The following CCDC97 variants were observed in gnomAD, a reference collection of about 807,000 sequenced individuals.
CCDC97 encodes coiled-coil domain-containing protein 97.
CCDC97 carries 27 observed loss-of-function variants against 33.9 expected under a neutral mutation model. The ratio of observed to expected loss-of-function variants is 0.80; its 90% CI spans 0.59 to 1.10. CCDC97 has a LOEUF of 1.10. Among genes scored for constraint, CCDC97 ranks in the 50% least tolerant of loss-of-function variants. CCDC97 has a pLI of 0.00. For synonymous variants in CCDC97, 217 were observed against 194.0 expected (o/e 1.12, Z -0.99); for missense variants, 422 against 476.6 (o/e 0.89, Z 1.07).
intron 2 of CCDC97, among the ~76,000 whole-genome samples, chr19:41,317,670 C>T (rs2123058872): frequency 6.8e-6 from 1 of 146,558 alleles, no homozygotes; most frequent in South Asian, 2.1e-4. Flanking sequence ...GAGATCCCAC[C>T]ACTAAGCTCT....
chr19:41,310,977 T>TA lies in CCDC97; in HGVS notation c.46+623dup, dbSNP rs2037676696. On this transcript the variant is annotated intron_variant, in intron 1 of 4. Coordinates refer to ENST00000269967, the MANE Select transcript of CCDC97 (RefSeq NM_052848.3). ...TCCAACACCACTGGCCAAGAATTGGTAATTGTGGAAGCCAGATGGAGATGA... is the reference window on the plus strand; with the variant it reads ...TCCAACACCACTGGCCAAGAATTGGTAAATTGTGGAAGCCAGATGGAGATGA... 24 of 578,262 alleles carry TA rather than the reference T, an allele frequency of 4.2e-5. No homozygotes were observed. The South Asian group carries it at 1.5e-3, about 37-fold the overall frequency. 35.8% of individuals were successfully genotyped at this position (578,262 alleles called of 1,614,324 possible).
chr19:41,312,653 A>G (rs1305434275), intron 1 of CCDC97, among the ~76,000 whole-genome samples: 1 of 152,204 alleles, frequency 6.6e-6, no homozygotes, highest in Non-Finnish European at 1.5e-5. Context: ...ACTGAAATCC[A>G]GGTGTCTGCA....
rs746348676 is a variant in CCDC97 at position 41,322,657 on chromosome 19, G to A, written c.974G>A (p.Arg325Lys). ...ATCGTGGCACGGGATGAGGAGGAGA[G>A]GTACTTTGATGAGGAAGAACCTGAG... is the stretch of plus-strand genomic sequence containing the variant. ...LDIVARDEEE[R>K]YFDEEEPEDA... The change falls in exon 5 of 5, where the codon AGG becomes AAG. Residue 325 changes from arginine (R) to lysine (K), a missense_variant. Arg to Lys is a conservative substitution (Grantham distance 26). Coordinates refer to ENST00000269967, the MANE Select transcript of CCDC97 (RefSeq NM_052848.3). The A allele has an allele frequency of 6.2e-7, 1 of 1,613,404 alleles. No homozygotes were observed. The highest frequency in any genetic ancestry group is 1.7e-5 in the Admixed American group (1 of 59,966).
At chr19:41,321,475 A>G (rs549086174) in intron 4 of CCDC97, among the ~76,000 whole-genome samples, 70 of 152,318 alleles carry the variant, frequency 4.6e-4, no homozygotes, top group African/African-American at 1.6e-3. Context: ...TTCAGTTGGC[A>G]TGTGCTGAGC....
rs1275917709 is a variant in CCDC97, at chr19:41,320,473, G to A, written c.911+3G>A. ...AAGGACGGGGACTTTGACTACAGGT[G>A]CTCCTGTGCCTCCACCTCCCCATCC... On this transcript the variant is annotated splice_donor_region_variant and intron_variant, in intron 4 of 4. Transcript: ENST00000269967. The A allele has an allele frequency of 6.2e-7, 1 of 1,613,776 alleles. No homozygotes were observed. Among genetic ancestry groups the A allele is most frequent in the Non-Finnish European group, 8.5e-7 (1 of 1,179,878 alleles).
intron 3 of CCDC97, 46 bp downstream of exon 3, chr19:41,319,898 C>T (rs1364066775): frequency 3.3e-6 from 3 of 911,786 alleles, no homozygotes; most frequent in Non-Finnish European, 5.0e-6. Flanking sequence ...ACACCCCAGC[C>T]CTAGGCCTGT....
intron 1 of CCDC97, among the ~76,000 whole-genome samples, chr19:41,311,432 C>CA (rs1271260438): frequency 6.6e-6 from 1 of 151,368 alleles, no homozygotes; most frequent in Non-Finnish European, 1.5e-5. Flanking sequence ...CCCATCTCTA[C>CA]AAAAAATTTA....
chr19:41,313,370 T>C (rs1432592322), intron 1 of CCDC97, among the ~76,000 whole-genome samples: 1 of 152,142 alleles, frequency 6.6e-6, no homozygotes, highest in East Asian at 1.9e-4. Flanking sequence ...TTCCCCTGGA[T>C]GCCTCCCTTA....
intron 3 of CCDC97, among the ~76,000 whole-genome samples, chr19:41,320,107 C>T (rs1225618597): frequency 6.6e-6 from 1 of 152,192 alleles, no homozygotes; most frequent in Admixed American, 6.5e-5. Context: ...CCTCTCCTCC[C>T]ACCCTTCAGG....
In CCDC97 at chr19:41,319,811, G is replaced by T. The variant is rs760250212; in HGVS notation, c.740G>T (p.Cys247Phe). 6.3e-7 allele frequency: 1 copy of T among 1,596,878 alleles called. No homozygotes were observed. Among genetic ancestry groups the T allele is most frequent in the Non-Finnish European group, 8.6e-7 (1 of 1,168,906 alleles). Reference sequence around the variant, plus strand: ...CAACAGCAGGAGGAGGAGGAGGCCTGCTTGGAGGAAGAGGAAGAGGAGGAG... The same window carrying T: ...CAACAGCAGGAGGAGGAGGAGGCCTTCTTGGAGGAAGAGGAAGAGGAGGAG... ...LLQQQEEEEA[C>F]LEEEEEEEDS... The change falls in exon 3 of 5, where the codon TGC becomes TTC. Residue 247 changes from cysteine (C) to phenylalanine (F), a missense_variant. By Grantham distance (205) the Cys-to-Phe change is radical (BLOSUM62 -2). Coordinates refer to ENST00000269967, the MANE Select transcript of CCDC97 (RefSeq NM_052848.3).
rs1246867935 is a variant in CCDC97 at position 41,323,403 on chromosome 19, C to A, written c.*688C>A. The A allele has an allele frequency of 6.5e-6, 1 of 153,914 alleles. No individual in the cohort carries two copies. Among genetic ancestry groups the A allele is most frequent in the Non-Finnish European group, 1.4e-5 (1 of 69,310 alleles). 9.5% of individuals were successfully genotyped at this position (153,914 alleles called of 1,614,324 possible). A position where few individuals can be genotyped will look rare whatever the true frequency, so the allele number is the denominator to read the frequency against. On this transcript the variant is annotated 3_prime_UTR_variant, in exon 5 of 5. Transcript: ENST00000269967. ...GCCTTTATCTCTGGGTTTTGATCCCCCACTCCAGGCTCTGGGCCCCTTCTT... is the reference window on the plus strand; with the variant it reads ...GCCTTTATCTCTGGGTTTTGATCCCACACTCCAGGCTCTGGGCCCCTTCTT...
intron 4 of CCDC97, 165 bp downstream of exon 4, chr19:41,320,635 A>G (rs553650242): frequency 3.0e-5 from 24 of 796,010 alleles, no homozygotes; most frequent in Middle Eastern, 3.4e-4. Context: ...AGGCTGGGTG[A>G]CCTCGGACTA....
chr19:41,320,695 G>A (rs1209455145), intron 4 of CCDC97: 1 of 527,846 alleles, frequency 1.9e-6, no homozygotes, highest in Non-Finnish European at 3.4e-6. Flanking sequence ...GGCAGGGGAT[G>A]GACAGGGATG....
intron 4 of CCDC97, 63 bp downstream of exon 4, chr19:41,320,533 C>A (rs760188964): frequency 6.2e-7 from 1 of 1,601,648 alleles, no homozygotes; most frequent in South Asian, 1.1e-5. Flanking sequence ...TGGTCACATG[C>A]AGAGCCCTTA....
rs561366023 is a variant in CCDC97 at position 41,318,930 on chromosome 19, C to T, written c.503-644C>T. Among the ~76,000 whole-genome samples the T allele has an allele frequency of 3.3e-5, 5 of 152,260 alleles. No individual in the cohort carries two copies. The South Asian group carries it at 8.3e-4, about 25-fold the overall frequency. On this transcript the variant is annotated intron_variant, in intron 2 of 4. Coordinates refer to ENST00000269967, the MANE Select transcript of CCDC97 (RefSeq NM_052848.3). ...CCCACAGTGAAGGCGTGTCCACTGC[C>T]AGCCAGACTAGGGCCCCACAAACAG...
At chr19:41,310,494 C>G (rs1481075136) in intron 1 of CCDC97, 138 bp downstream of exon 1, 3 of 1,483,222 alleles carry the variant, frequency 2.0e-6, no homozygotes, top group Non-Finnish European at 2.7e-6. Context: ...CTCTTCACTA[C>G]TTTGCCCAGA....
chr19:41,313,277 T>G (rs946870063), intron 1 of CCDC97, among the ~76,000 whole-genome samples: 23 of 152,282 alleles, frequency 1.5e-4, no homozygotes, highest in Middle Eastern at 3.4e-3. Context: ...TTGTCTTGAT[T>G]CTGATGACAC....
intron 1 of CCDC97, 39 bp downstream of exon 1, chr19:41,310,395 G>A (rs1240848344): frequency 6.3e-7 from 1 of 1,583,196 alleles, no homozygotes; most frequent in South Asian, 1.1e-5. Context: ...GGTGGGTGCG[G>A]TTGCGGTGTC....
At chr19:41,321,819 G>A (rs1280562360) in intron 4 of CCDC97, among the ~76,000 whole-genome samples, 1 of 151,636 alleles carries the variant, frequency 6.6e-6, no homozygotes, top group Non-Finnish European at 1.5e-5. Context: ...AGATCTCTGA[G>A]TGGCCAAATC....
Sources: gnomAD v4.1 joint callset for allele counts (sites outside exome capture counted in the v4.1 genomes callset) on GRCh38, gnomAD v4.1.1 for gene constraint, MANE v1.5 for transcripts, NCBI Gene and HGNC (gene_info 2026-07-23, HGNC 2026-07-21) for gene names.